The following EMILIN2 variants were observed in gnomAD, a reference collection of about 807,000 sequenced individuals.
The protein encoded by EMILIN2 is elastin microfibril interfacer 2.
A neutral mutation model predicts 87.1 loss-of-function variants in EMILIN2; 71 were observed. The ratio of observed to expected loss-of-function variants is 0.82; its 90% confidence interval spans 0.67 to 0.99. The LOEUF (loss-of-function observed/expected upper bound fraction) is 0.99, where lower values mean the gene tolerates loss of function less well. Ranked by LOEUF, EMILIN2 falls within the 50% of genes least tolerant of loss-of-function variation. The probability of loss-of-function intolerance (pLI) is 0.00; values close to 1 mark genes in which losing one functional copy is unlikely to be tolerated. For synonymous variants in EMILIN2, 581 were observed against 563.4 expected (o/e 1.03, Z -0.44); for missense variants, 1,407 against 1,371.8 (o/e 1.03, Z -0.40).
At chr18:2,867,529 A>G (rs896971446) in intron 2 of EMILIN2, among the ~76,000 whole-genome samples, 14 of 152,034 alleles carry the variant, frequency 9.2e-5, no homozygotes, top group South Asian at 2.1e-4. Context: ...CTGGGTACTT[A>G]AGATTAGGGA....
intron 2 of EMILIN2, among the ~76,000 whole-genome samples, chr18:2,870,738 C>T (rs2076715154): frequency 6.6e-6 from 1 of 152,230 alleles, no homozygotes; most frequent in African/African-American, 2.4e-5. Context: ...TAAGCCAAGA[C>T]ACACGAGCAG....
At chr18:2,852,508 A>G (rs779121763) in intron 2 of EMILIN2, among the ~76,000 whole-genome samples, 47 of 152,124 alleles carry the variant, frequency 3.1e-4, no homozygotes, top group Non-Finnish European at 3.1e-4. Context: ...TGTGTAAGTA[A>G]TTGTGCAAAA....
intron 2 of EMILIN2, among the ~76,000 whole-genome samples, chr18:2,853,058 A>C (rs1035825551): frequency 1.3e-5 from 2 of 152,160 alleles, no homozygotes; most frequent in Admixed American, 1.3e-4. Flanking sequence ...ATCCCCTGGG[A>C]GATAAGGAGA....
Position 2,891,585 on chromosome 18 carries a change from G to C in EMILIN2, c.1458G>C (p.Leu486Phe). ...RGAINGEVGD[L>F]KQLVDQKIQS... is the part of the protein sequence containing the mutation. ...CCATTAATGGAGAGGTGGGTGACTT[G>C]AAGCAGCTTGTTGATCAGAAAATAC... The change falls in exon 4 of 8, where the codon TTG (leucine) becomes TTC (phenylalanine). Residue 486 changes from leucine to phenylalanine, a missense_variant. By Grantham distance (22) the Leu-to-Phe change is conservative (BLOSUM62 0). Transcript: ENST00000254528. This position sits in a 1 kb window ranked among gnomAD's most constrained non-coding sequence, Gnocchi z 4.6. 3.7e-6 allele frequency: 6 copies of C among 1,614,088 alleles called. No individual in the cohort carries two copies. Among genetic ancestry groups the C allele is most frequent in the Non-Finnish European group, 5.1e-6 (6 of 1,180,032 alleles).
chr18:2,863,209 C>G (rs923891896), intron 2 of EMILIN2, among the ~76,000 whole-genome samples: 3 of 152,150 alleles, frequency 2.0e-5, no homozygotes, highest in Non-Finnish European at 4.4e-5. Context: ...TTTTTTGTGT[C>G]TCTATTTCCT....
At chr18:2,912,761 G>T (rs899315757) in intron 7 of EMILIN2, among the ~76,000 whole-genome samples, 9 of 152,290 alleles carry the variant, frequency 5.9e-5, no homozygotes, top group African/African-American at 2.2e-4. Context: ...CTGCCTCCCG[G>T]GTATTCTGCC....
At position 2,858,356 on chromosome 18, in the gene EMILIN2, C is replaced by G. The variant is rs577406880; in HGVS notation, c.257+10425C>G. 2.7e-5 allele frequency among the ~76,000 whole-genome samples: 4 copies of G among 150,918 alleles called. No homozygotes were observed. The South Asian group carries it at 6.3e-4, about 24-fold the overall frequency. On this transcript the variant is annotated intron_variant, in intron 2 of 7. Transcript: ENST00000254528. ...AGTCCCCAAAGTCCACTGTGTCATT[C>G]TTAGGCCTTTGCATCCTCATAGTTT...
chr18:2,891,194 A>G lies in EMILIN2; in HGVS notation c.1067A>G (p.Asp356Gly), dbSNP rs139411477. ...CTCACTGGCCTCCAGCAGCAGTGTG[A>G]TGACTATGGGAGCAGCTACCTGGGA... ...YKLTGLQQQC[D>G]DYGSSYLGVI... Residue 356 changes from aspartate (D) to glycine (G), a missense_variant, in exon 4 of 8, where the codon GAT (aspartate) becomes GGT (glycine). Coordinates refer to ENST00000254528, the MANE Select transcript of EMILIN2 (RefSeq NM_032048.3). This position sits in a 1 kb window ranked among gnomAD's most constrained non-coding sequence, Gnocchi z 4.6. The G allele has an allele frequency of 8.7e-6, 14 of 1,614,096 alleles. No homozygotes were observed. Among genetic ancestry groups the G allele is most frequent in the African/African-American group, 4.0e-5 (3 of 74,944 alleles).
At chr18:2,888,455 T>C (rs1010722502) in intron 3 of EMILIN2, among the ~76,000 whole-genome samples, 11 of 151,908 alleles carry the variant, frequency 7.2e-5, no homozygotes, top group Middle Eastern at 3.2e-3. Flanking sequence ...GTGGCTCACG[T>C]CTGTAATCCC....
At position 2,909,879 on chromosome 18, in the gene EMILIN2, C is replaced by T. The variant is rs1041263906; in HGVS notation, c.2824+60C>T. The T allele has an allele frequency of 3.2e-6, 5 of 1,578,060 alleles. No individual in the cohort carries two copies. The African/African-American group carries it at 6.9e-5, about 22-fold the overall frequency. On this transcript the variant is annotated intron_variant, in intron 7 of 7. Coordinates refer to ENST00000254528, the MANE Select transcript of EMILIN2 (RefSeq NM_032048.3). ...CTCCTACCCCAACGCAGGTGGGACC[C>T]CTCCCACCATGGCTGGCTGGTTCCC... is the stretch of plus-strand genomic sequence containing the variant.
At chr18:2,868,503 A>G (rs1291463892) in intron 2 of EMILIN2, among the ~76,000 whole-genome samples, 2 of 152,254 alleles carry the variant, frequency 1.3e-5, no homozygotes, top group East Asian at 1.9e-4. Context: ...CAGCCTGGGC[A>G]CCATTGAGCA....
At position 2,906,870 on chromosome 18, in the gene EMILIN2, C is replaced by G. The variant is rs1055485036; in HGVS notation, c.2447C>G (p.Thr816Ser). 1.2e-4 allele frequency: 160 copies of G among 1,376,850 alleles called. No homozygotes were observed. The highest frequency in any genetic ancestry group is 1.4e-4 in the Non-Finnish European group (151 of 1,064,298). 85.3% of individuals were successfully genotyped at this position (1,376,850 alleles called of 1,614,324 possible). ...CCGCCGAGGCCCAGCGGCCCCGCAA[C>G]CGCAGAGGACCCTGGGCGACGGCCC... ...PAPPRPSGPATAEDPGRRPVL... is the reference protein window; with the variant it reads ...PAPPRPSGPASAEDPGRRPVL... The change falls in exon 5 of 8, where the codon ACC becomes AGC. Residue 816 changes from threonine (T) to serine (S), a missense_variant. Thr to Ser is a moderately conservative substitution (Grantham distance 58). Coordinates refer to ENST00000254528, the MANE Select transcript of EMILIN2 (RefSeq NM_032048.3).
intron 2 of EMILIN2, among the ~76,000 whole-genome samples, chr18:2,865,038 T>C (rs1190259822): frequency 6.6e-6 from 1 of 152,084 alleles, no homozygotes; most frequent in African/African-American, 2.4e-5. Flanking sequence ...ATTCGTCACG[T>C]AGTTCTTGTG....
chr18:2,867,543 G>T (rs931245516), intron 2 of EMILIN2, among the ~76,000 whole-genome samples: 33 of 152,218 alleles, frequency 2.2e-4, no homozygotes, highest in Admixed American at 1.8e-3. Flanking sequence ...TTAGGGAGTG[G>T]TGATGACTCT....
intron 2 of EMILIN2, among the ~76,000 whole-genome samples, chr18:2,855,696 C>A (rs943153396): frequency 3.3e-5 from 5 of 152,174 alleles, no homozygotes; most frequent in Non-Finnish European, 7.3e-5. Context: ...AAGAGTTGTC[C>A]TACAGCCTGA....
At chr18:2,849,172 A>G (rs1440076133) in intron 2 of EMILIN2, among the ~76,000 whole-genome samples, 1 of 152,232 alleles carries the variant, frequency 6.6e-6, no homozygotes, top group Non-Finnish European at 1.5e-5. Context: ...AGTAAGATTG[A>G]GACCTCATCG....
intron 2 of EMILIN2, 93 bp from the exon 3 acceptor site, chr18:2,884,861 GGCAGGGTCCT>G (rs1489182293): frequency 7.9e-7 from 1 of 1,261,336 alleles, no homozygotes; most frequent in African/African-American, 1.5e-5. Context: ...CTGGAGAGCA[GGCAGGGTCCT>G]GCATGCCCTG....
chr18:2,913,378 T>A lies in EMILIN2; in HGVS notation c.3136T>A (p.Leu1046Ile), dbSNP rs766758094. 1.2e-6 allele frequency: 2 copies of A among 1,606,424 alleles called. No individual in the cohort carries two copies. Among genetic ancestry groups the A allele is most frequent in the African/African-American group, 2.7e-5 (2 of 74,596 alleles). The change falls in exon 8 of 8, where the codon TTA becomes ATA. Residue 1046 changes from leucine to isoleucine, a missense_variant. Leu to Ile is a conservative substitution (Grantham distance 5). Coordinates refer to ENST00000254528, the MANE Select transcript of EMILIN2 (RefSeq NM_032048.3). Reference sequence around the variant, plus strand: ...GTACTCCACATTTAGTGGGGTTTTCTTATATCCTTTCCTTTCCCACCTCTA... The same window carrying A: ...GTACTCCACATTTAGTGGGGTTTTCATATATCCTTTCCTTTCCCACCTCTA... ...EMYSTFSGVF[L>I]YPFLSHL is the part of the protein sequence containing the mutation.
chr18:2,906,530 A>G (rs1043698290), intron 4 of EMILIN2: 2 of 347,102 alleles, frequency 5.8e-6, no homozygotes, highest in Non-Finnish European at 1.0e-5. Flanking sequence ...TGGAAAGTGC[A>G]GCCGTCTGCG....
Sources: gnomAD v4.1 joint callset for allele counts (sites outside exome capture counted in the v4.1 genomes callset) on GRCh38, gnomAD v4.1.1 for gene constraint, Gnocchi (gnomAD v3.1) non-coding constraint, MANE v1.5 for transcripts, NCBI Gene and HGNC (gene_info 2026-07-23, HGNC 2026-07-21) for gene names.